Variants in AKAP10 observed in about 807,000 individuals in gnomAD.
AKAP10 encodes the protein A-kinase anchor protein 10, mitochondrial.
A neutral mutation model predicts 80.8 loss-of-function variants in AKAP10; 24 were observed. The ratio of observed to expected loss-of-function variants is 0.30; its 90% CI spans 0.22 to 0.42. The LOEUF (loss-of-function observed/expected upper bound fraction) is 0.42, where lower values mean the gene tolerates loss of function less well. AKAP10 is among the 10% of genes least tolerant of loss of function. AKAP10 has a pLI of 1.00. For missense variants in AKAP10, 661 were observed against 794.9 expected (o/e 0.83, Z 2.03); for synonymous variants, 291 against 277.7 (o/e 1.05, Z -0.48).
At chr17:19,927,821 A>C (rs912097275) in intron 10 of AKAP10, among the ~76,000 whole-genome samples, 1 of 151,896 alleles carries the variant, frequency 6.6e-6, no homozygotes, top group African/African-American at 2.4e-5. Flanking sequence ...GAGGCAGGAA[A>C]ATCGCTTGAA....
intron 5 of AKAP10, among the ~76,000 whole-genome samples, chr17:19,943,829 T>A (rs552854273): frequency 6.6e-6 from 1 of 152,276 alleles, no homozygotes; most frequent in Admixed American, 6.5e-5. Flanking sequence ...TGATGCTATC[T>A]CCAGGTAAAC....
chr17:19,925,037 G>A (rs1180963294), intron 10 of AKAP10, among the ~76,000 whole-genome samples: 1 of 152,098 alleles, frequency 6.6e-6, no homozygotes, highest in Non-Finnish European at 1.5e-5. Flanking sequence ...GGTGGTGCAT[G>A]CCTGTAACCA....
chr17:19,919,965 G>A, intron 12 of AKAP10, 71 bp downstream of exon 12: 2 of 1,297,928 alleles, frequency 1.5e-6, no homozygotes, highest in Non-Finnish European at 2.2e-6. Flanking sequence ...TAAACCTTAA[G>A]TGGTCTTTGA....
chr17:19,931,792 A>C lies in AKAP10; in HGVS notation c.1641+13T>G. 1.9e-6 allele frequency: 3 copies of C among 1,606,000 alleles called. No individual in the cohort carries two copies. The highest frequency in any genetic ancestry group is 2.5e-6 in the Non-Finnish European group (3 of 1,176,816). On this transcript the variant is annotated intron_variant, in intron 10 of 14. Coordinates refer to ENST00000225737, the MANE Select transcript of AKAP10 (RefSeq NM_007202.4). ...TGCTTTTCTCCCTAATGGCAGACGC[A>C]ATCAGTCAATACCTGAGACGCAGAG...
At chr17:19,921,001 A>C (rs1344177490) in intron 11 of AKAP10, among the ~76,000 whole-genome samples, 1 of 151,010 alleles carries the variant, frequency 6.6e-6, no homozygotes, top group African/African-American at 2.4e-5. Context: ...CTGAAAAAAT[A>C]TACAGAATTT....
intron 4 of AKAP10, among the ~76,000 whole-genome samples, chr17:19,951,033 C>T (rs1453884816): frequency 1.3e-5 from 2 of 151,882 alleles, no homozygotes; most frequent in Non-Finnish European, 2.9e-5. Context: ...CGTCTCTGCC[C>T]GGCCGCCCCG....
rs573805808 is a variant in AKAP10, at chr17:19,906,388, G to A, written c.1984-156C>T. ...CTACAATTTTGTGAGGTAAAATATT[G>A]TAATTTTCCTTGTTAAAATATGAGT... On this transcript the variant is annotated intron_variant, in intron 14 of 14. Transcript: ENST00000225737. 6.6e-5 allele frequency among the ~76,000 whole-genome samples: 10 copies of A among 152,286 alleles called. No individual in the cohort carries two copies. In the South Asian group the frequency reaches 2.1e-3, roughly 32 times the overall value.
At chr17:19,941,033 A>C (rs2043046413) in intron 6 of AKAP10, 23 bp from the exon 7 acceptor site, 1 of 1,586,620 alleles carries the variant, frequency 6.3e-7, no homozygotes, top group Non-Finnish European at 8.5e-7. Context: ...AAAAGGGAAA[A>C]TTTGAGGGAA....
chr17:19,933,255 GT>G (rs2042957372), intron 9 of AKAP10, among the ~76,000 whole-genome samples: 1 of 152,244 alleles, frequency 6.6e-6, no homozygotes, highest in Non-Finnish European at 1.5e-5. Flanking sequence ...CTGACCTCAG[GT>G]GATCCACCCG....
chr17:19,918,094 C>T (rs1365048872), intron 12 of AKAP10, among the ~76,000 whole-genome samples: 1 of 151,234 alleles, frequency 6.6e-6, no homozygotes, highest in Non-Finnish European at 1.5e-5. Context: ...GTGGCACGCG[C>T]CTGTAATCCC....
intron 14 of AKAP10, among the ~76,000 whole-genome samples, chr17:19,907,153 G>C (rs1329850906): frequency 1.3e-5 from 2 of 151,976 alleles, no homozygotes; most frequent in Non-Finnish European, 2.9e-5. Flanking sequence ...AAGTAGCTGG[G>C]ATTACAGGCA....
At chr17:19,963,954 T>G (rs1020941225) in intron 2 of AKAP10, among the ~76,000 whole-genome samples, 7 of 152,052 alleles carry the variant, frequency 4.6e-5, no homozygotes, top group African/African-American at 1.7e-4. Flanking sequence ...ATATTTTTAG[T>G]AGTCTGAAGA....
At chr17:19,941,970 T>C in intron 5 of AKAP10, 60 bp from the exon 6 acceptor site, 2 of 1,492,918 alleles carry the variant, frequency 1.3e-6, no homozygotes, top group Non-Finnish European at 9.1e-7. Flanking sequence ...TATACACACT[T>C]GTGAATCAAC....
At chr17:19,935,122 C>T (rs1373310191) in intron 9 of AKAP10, among the ~76,000 whole-genome samples, 1 of 152,232 alleles carries the variant, frequency 6.6e-6, no homozygotes, top group South Asian at 2.1e-4. Context: ...TGGCCTACTA[C>T]ACCCCTTGGC....
At chr17:19,937,618 G>T (rs2043006274) in intron 8 of AKAP10, among the ~76,000 whole-genome samples, 1 of 152,216 alleles carries the variant, frequency 6.6e-6, no homozygotes, top group Non-Finnish European at 1.5e-5. Flanking sequence ...TCCACGACTT[G>T]AATGTTCAGG....
chr17:19,968,749 G>C (rs571753186), intron 1 of AKAP10, among the ~76,000 whole-genome samples: 2 of 152,180 alleles, frequency 1.3e-5, no homozygotes, highest in East Asian at 3.9e-4. Context: ...ATGTGATCTT[G>C]GACAAGTTAC....
chr17:19,946,255 ATAT>A (rs1958740859), intron 5 of AKAP10, among the ~76,000 whole-genome samples: 1 of 21,364 alleles, frequency 4.7e-5, no homozygotes, highest in Non-Finnish European at 8.3e-5. Flanking sequence ...ATATATATAT[ATAT>A]ATATATATAT....
At chr17:19,964,472 GCTAT>G (rs1404289902) in intron 2 of AKAP10, among the ~76,000 whole-genome samples, 1 of 152,114 alleles carries the variant, frequency 6.6e-6, no homozygotes, top group African/African-American at 2.4e-5. Flanking sequence ...CCTTCTTGAG[GCTAT>G]CTGTTCTTCT....
At chr17:19,925,508 G>A (rs1437947852) in intron 10 of AKAP10, among the ~76,000 whole-genome samples, 1 of 152,106 alleles carries the variant, frequency 6.6e-6, no homozygotes. Flanking sequence ...GAAATACAGA[G>A]CCATAGGTTG....
Sources: gnomAD v4.1 joint callset for allele counts (sites outside exome capture counted in the v4.1 genomes callset) on GRCh38, gnomAD v4.1.1 for gene constraint, MANE v1.5 for transcripts, NCBI Gene and HGNC (gene_info 2026-07-23, HGNC 2026-07-21) for gene names.